The following PTP4A3 variants were observed in gnomAD, a reference collection of about 807,000 sequenced individuals.
The protein encoded by PTP4A3 is protein tyrosine phosphatase 4A3.
PTP4A3 carries 9 observed loss-of-function variants against 15.2 expected under a neutral mutation model. The observed-to-expected ratio is 0.59, with a 90% CI of 0.36 to 1.03. The LOEUF (loss-of-function observed/expected upper bound fraction) is 1.03, where lower values mean the gene tolerates loss of function less well. PTP4A3 is among the 50% of genes least tolerant of loss of function. The pLI is 0.02. For missense variants in PTP4A3, 234 were observed against 252.1 expected (o/e 0.93, Z 0.49); for synonymous variants, 95 against 102.0 (o/e 0.93, Z 0.41).
At position 141,425,541 on chromosome 8, in the gene PTP4A3, C is replaced by A. The variant is rs1340379606; in HGVS notation, c.198+401C>A. On this transcript the variant is annotated intron_variant, in intron 3 of 5. Coordinates refer to ENST00000521578, the MANE Select transcript of PTP4A3 (RefSeq NM_032611.3). This position sits in a 1 kb window ranked among gnomAD's most constrained non-coding sequence, Gnocchi z 4.2. ...CCAGGCAGCAGGCTCCTGGGGAGGGCCCTTGGGCAGTTTCCTCGGCTTCTT... is the reference window on the plus strand; with the variant it reads ...CCAGGCAGCAGGCTCCTGGGGAGGGACCTTGGGCAGTTTCCTCGGCTTCTT... Among the ~76,000 whole-genome samples the A allele has an allele frequency of 6.8e-6, 1 of 146,300 alleles. No homozygotes were observed. The highest frequency in any genetic ancestry group is 1.5e-5 in the Non-Finnish European group (1 of 67,102).
chr8:141,405,842 G>A (rs1832707586), intron 1 of PTP4A3, among the ~76,000 whole-genome samples: 1 of 152,216 alleles, frequency 6.6e-6, no homozygotes, highest in South Asian at 2.1e-4. Flanking sequence ...AGCACCGGAC[G>A]ATGTGGGGAC....
At position 141,406,800 on chromosome 8, in the gene PTP4A3, ATCC is replaced by A. The variant is rs1832738185; in HGVS notation, c.-853-14582_-853-14580del. Among the ~76,000 whole-genome samples the A allele has an allele frequency of 6.6e-6, 1 of 152,036 alleles. No homozygotes were observed. The highest frequency in any genetic ancestry group is 2.4e-5 in the African/African-American group (1 of 41,380). Reference sequence around the variant, plus strand: ...AAGGGCTGTAGGCACTTCGCCCTGAATCCTCCTCTGAGCCGGCTTTGCCTCCTG... The same window carrying A: ...AAGGGCTGTAGGCACTTCGCCCTGAATCCTCTGAGCCGGCTTTGCCTCCTG... On this transcript the variant is annotated intron_variant, in intron 1 of 5. Coordinates refer to ENST00000521578, the MANE Select transcript of PTP4A3 (RefSeq NM_032611.3). This position sits in a 1 kb window ranked among gnomAD's most constrained non-coding sequence, Gnocchi z 4.5.
At chr8:141,400,648 C>G (rs1832567743) in intron 1 of PTP4A3, among the ~76,000 whole-genome samples, 1 of 152,202 alleles carries the variant, frequency 6.6e-6, no homozygotes, top group South Asian at 2.1e-4. Context: ...TCTTGGCCCG[C>G]TGGCAGAACC....
At chr8:141,401,942 C>T (rs1287167237) in intron 1 of PTP4A3, among the ~76,000 whole-genome samples, 1 of 150,270 alleles carries the variant, frequency 6.7e-6, no homozygotes, top group Non-Finnish European at 1.5e-5. Flanking sequence ...TGGACGAGGC[C>T]ACTCCAGCTT....
At chr8:141,392,809 A>G (rs1832327832) in intron 1 of PTP4A3, among the ~76,000 whole-genome samples, 1 of 152,198 alleles carries the variant, frequency 6.6e-6, no homozygotes, top group South Asian at 2.1e-4. Flanking sequence ...CCCGGAGGGA[A>G]GCCCTTTATG....
At chr8:141,401,441 C>T (rs1358982034) in intron 1 of PTP4A3, among the ~76,000 whole-genome samples, 4 of 152,182 alleles carry the variant, frequency 2.6e-5, no homozygotes, top group Non-Finnish European at 5.9e-5. Context: ...CCTCTGTAAA[C>T]AGGGTGTGAC....
intron 1 of PTP4A3, among the ~76,000 whole-genome samples, chr8:141,420,311 A>T (rs1452752803): frequency 1.3e-5 from 2 of 152,158 alleles, no homozygotes; most frequent in African/African-American, 4.8e-5. Context: ...GGGACCCCTC[A>T]GCAGCAGTGC....
At chr8:141,424,497 C>T (rs1475596309) in intron 2 of PTP4A3, among the ~76,000 whole-genome samples, 9 of 152,100 alleles carry the variant, frequency 5.9e-5, no homozygotes, top group Admixed American at 4.6e-4. Flanking sequence ...CCCATCCCTG[C>T]GGCTCAGCTG....
intron 5 of PTP4A3, among the ~76,000 whole-genome samples, chr8:141,430,617 C>T (rs1218081510): frequency 6.6e-6 from 1 of 152,202 alleles, no homozygotes; most frequent in Admixed American, 6.5e-5. Flanking sequence ...CCCTTGTTGT[C>T]TGCTCATGGC....
At chr8:141,428,928 C>T (rs978744956) in intron 5 of PTP4A3, among the ~76,000 whole-genome samples, 3 of 152,238 alleles carry the variant, frequency 2.0e-5, no homozygotes, top group African/African-American at 7.2e-5. Flanking sequence ...CATGCACTCT[C>T]ACACATGCGG....
intron 1 of PTP4A3, among the ~76,000 whole-genome samples, chr8:141,413,197 G>A (rs1832915359): frequency 6.6e-6 from 1 of 152,222 alleles, no homozygotes; most frequent in Non-Finnish European, 1.5e-5. Flanking sequence ...CCAGATCAGG[G>A]GCCTCCTCTG....
At chr8:141,420,307 C>T (rs189741123) in intron 1 of PTP4A3, among the ~76,000 whole-genome samples, 3 of 152,280 alleles carry the variant, frequency 2.0e-5, no homozygotes, top group Admixed American at 1.3e-4. Context: ...TGCGGGGACC[C>T]CTCAGCAGCA....
At position 141,422,119 on chromosome 8, in the gene PTP4A3, T is replaced by A. The variant is rs1310168382; in HGVS notation, c.-122T>A. 1.1e-5 allele frequency: 10 copies of A among 938,512 alleles called. No individual in the cohort carries two copies. Among genetic ancestry groups the A allele is most frequent in the Non-Finnish European group, 1.7e-5 (10 of 605,414 alleles). The allele number at this position is 938,512 out of a possible 1,614,324, so 58.1% of individuals were successfully genotyped here. A position where few individuals can be genotyped will look rare whatever the true frequency, so the allele number is the denominator to read the frequency against. On this transcript the variant is annotated 5_prime_UTR_variant, in exon 2 of 6. Transcript: ENST00000521578. ...GGGGTGGGTTTTTAAATCTCGTTTCTCTTGGACAAGCACAGGGATCTCGTT... is the reference window on the plus strand; with the variant it reads ...GGGGTGGGTTTTTAAATCTCGTTTCACTTGGACAAGCACAGGGATCTCGTT...
chr8:141,407,866 C>G (rs1247913442), intron 1 of PTP4A3, among the ~76,000 whole-genome samples: 2 of 152,186 alleles, frequency 1.3e-5, no homozygotes, highest in Non-Finnish European at 2.9e-5. Flanking sequence ...CGTGCCTGGC[C>G]AAATTTGTAA....
At position 141,425,200 on chromosome 8, in the gene PTP4A3, G is replaced by A; in HGVS notation, c.198+60G>A. ...TGCCACCGGGGGAGGGTGGGGCGGGGGGCTCCGGGCCTGCGCAGAGGGTTT... is the reference window on the plus strand; with the variant it reads ...TGCCACCGGGGGAGGGTGGGGCGGGAGGCTCCGGGCCTGCGCAGAGGGTTT... On this transcript the variant is annotated intron_variant, in intron 3 of 5. Coordinates refer to ENST00000521578, the MANE Select transcript of PTP4A3 (RefSeq NM_032611.3). The surrounding 1 kb of genome is among the most constrained non-coding windows in gnomAD (Gnocchi z 4.2). 8.7e-7 allele frequency: 1 copy of A among 1,155,902 alleles called. No homozygotes were observed. Among genetic ancestry groups the A allele is most frequent in the South Asian group, 1.3e-5 (1 of 78,882 alleles). The allele number at this position is 1,155,902 out of a possible 1,614,324, so 71.6% of individuals were successfully genotyped here.
intron 1 of PTP4A3, among the ~76,000 whole-genome samples, chr8:141,394,142 C>A (rs893075342): frequency 9.2e-5 from 14 of 152,216 alleles, no homozygotes; most frequent in Non-Finnish European, 1.0e-4. Flanking sequence ...TAGGGACTTA[C>A]ATCCAGATGG....
intron 1 of PTP4A3, among the ~76,000 whole-genome samples, chr8:141,414,409 T>C (rs893603976): frequency 6.6e-6 from 1 of 151,886 alleles, no homozygotes; most frequent in Non-Finnish European, 1.5e-5. Context: ...TGGTGGAAGG[T>C]GGCTGGGGCA....
At position 141,406,210 on chromosome 8, in the gene PTP4A3, G is replaced by A. The variant is rs188377100; in HGVS notation, c.-854+14126G>A. On this transcript the variant is annotated intron_variant, in intron 1 of 5. Coordinates refer to ENST00000521578, the MANE Select transcript of PTP4A3 (RefSeq NM_032611.3). The surrounding 1 kb of genome is among the most constrained non-coding windows in gnomAD (Gnocchi z 4.5). ...CTGGGCGGTGGCTTTAGGCATCTGG[G>A]CTCAGGTGTCACCATTTCACTTGTC... is the stretch of plus-strand genomic sequence containing the variant. Among the ~76,000 whole-genome samples, 57 of 152,212 alleles carry A rather than the reference G, an allele frequency of 3.7e-4. No homozygotes were observed. The highest frequency in any genetic ancestry group is 3.5e-3 in the Admixed American group (54 of 15,296).
At chr8:141,426,331 C>A in intron 3 of PTP4A3, 2 of 658,490 alleles carry the variant, frequency 3.0e-6, no homozygotes, top group Non-Finnish European at 3.8e-6. Context: ...GGGGACGGGA[C>A]AGTGGGAAGC....
Sources: allele counts gnomAD v4.1 joint callset (sites outside exome capture counted in the v4.1 genomes callset), GRCh38; gene constraint gnomAD v4.1.1; non-coding constraint Gnocchi (gnomAD v3.1); transcripts MANE v1.5; gene names NCBI Gene and HGNC (gene_info 2026-07-23, HGNC 2026-07-21).